The following RBM20 variants were observed in gnomAD, a reference collection of about 807,000 sequenced individuals.
The protein encoded by RBM20 is RNA-binding protein 20.
A neutral mutation model predicts 110.1 loss-of-function variants in RBM20; 51 were observed. That is an observed-to-expected ratio of 0.46 (90% CI 0.37 to 0.59). RBM20 has a LOEUF of 0.59. Among genes scored for constraint, RBM20 ranks in the 20% least tolerant of loss-of-function variants. The pLI is 0.00. For synonymous variants in RBM20, 589 were observed against 618.2 expected, an observed-to-expected ratio of 0.95 and a Z score of 0.70; for missense variants, 1,512 against 1,574.9, an observed-to-expected ratio of 0.96 and a Z score of 0.68.
intron 1 of RBM20, among the ~76,000 whole-genome samples, chr10:110,712,311 C>T (rs1433418362): frequency 6.6e-6 from 1 of 152,180 alleles, no homozygotes; most frequent in East Asian, 1.9e-4. Context: ...TTGTGTATAG[C>T]AGTAGCAATA....
chr10:110,759,591 T>G (rs1284507803), intron 1 of RBM20, among the ~76,000 whole-genome samples: 2 of 152,192 alleles, frequency 1.3e-5, no homozygotes, highest in Non-Finnish European at 1.5e-5. Context: ...AAGCAGCCAC[T>G]GGCTAGTCCC....
In RBM20 at chr10:110,783,370, G is replaced by A. The variant is rs1431456617; in HGVS notation, c.1280G>A (p.Trp427Ter). The A allele has an allele frequency of 6.4e-7, 1 of 1,550,936 alleles. No individual in the cohort carries two copies. Among genetic ancestry groups the A allele is most frequent in the East Asian group, 2.4e-5 (1 of 40,914 alleles). Residue 427 changes from tryptophan (W) to a stop codon, truncating the protein, a stop_gained, in exon 3 of 14, where the codon TGG (tryptophan) becomes TAG (stop). Transcript: ENST00000369519. LOFTEE classifies it high-confidence loss of function. ...CDKKVFDLKD[W>*]ELHVKGKLHA... is the part of the protein sequence containing the mutation. ...TTTTCTTTCCTTCTGACCTAGGACTGGGAGCTGCATGTGAAAGGGAAGCTG... is the reference window on the plus strand; with the variant it reads ...TTTTCTTTCCTTCTGACCTAGGACTAGGAGCTGCATGTGAAAGGGAAGCTG...
intron 1 of RBM20, among the ~76,000 whole-genome samples, chr10:110,645,676 G>T (rs1223629164): frequency 6.6e-6 from 1 of 152,196 alleles, no homozygotes; most frequent in East Asian, 1.9e-4. Flanking sequence ...GTAAATAGCA[G>T]TTAAGTATTT....
At chr10:110,816,538 C>A (rs997845144) in intron 9 of RBM20, among the ~76,000 whole-genome samples, 3 of 152,140 alleles carry the variant, frequency 2.0e-5, no homozygotes. Context: ...ACACCTCAAC[C>A]CCCTCCTCTC....
At chr10:110,822,024 A>C in intron 11 of RBM20, 89 bp downstream of exon 11, 1 of 1,306,296 alleles carries the variant, frequency 7.7e-7, no homozygotes, top group South Asian at 1.3e-5. Context: ...GCTGGAATGA[A>C]CATAAGTAAG....
chr10:110,732,637 C>A (rs899201223), intron 1 of RBM20, among the ~76,000 whole-genome samples: 1 of 152,146 alleles, frequency 6.6e-6, no homozygotes, highest in African/African-American at 2.4e-5. Context: ...TGTGAGTCAC[C>A]GCCACATAAA....
At chr10:110,785,814 A>C (rs1226728619) in intron 5 of RBM20, among the ~76,000 whole-genome samples, 1 of 152,112 alleles carries the variant, frequency 6.6e-6, no homozygotes, top group Non-Finnish European at 1.5e-5. Flanking sequence ...TAGAAAAAAA[A>C]AAGTTGGAGC....
chr10:110,809,677 A>G (rs531293965), intron 7 of RBM20, among the ~76,000 whole-genome samples: 2 of 152,220 alleles, frequency 1.3e-5, no homozygotes, highest in Non-Finnish European at 2.9e-5. Context: ...CTCCCAGCTT[A>G]TGCCACCCTC....
At chr10:110,710,875 A>G (rs2134911748) in intron 1 of RBM20, among the ~76,000 whole-genome samples, 1 of 152,296 alleles carries the variant, frequency 6.6e-6, no homozygotes, top group Middle Eastern at 3.4e-3. Flanking sequence ...AGGTGACGTG[A>G]AGGCCACAGT....
chr10:110,827,099 T>C (rs2135131369), intron 12 of RBM20, among the ~76,000 whole-genome samples: 1 of 152,272 alleles, frequency 6.6e-6, no homozygotes, highest in African/African-American at 2.4e-5. Context: ...GGTTCTGCAT[T>C]TGACAGGTGA....
rs917054738 is a variant in RBM20 at position 110,780,722 on chromosome 10, G to C, written c.192-79G>C. The C allele has an allele frequency of 3.5e-5, 50 of 1,427,862 alleles. No individual in the cohort carries two copies. In the African/African-American group the frequency reaches 4.8e-4, roughly 14 times the overall value. 88.4% of individuals were successfully genotyped at this position (1,427,862 alleles called of 1,614,324 possible). On this transcript the variant is annotated intron_variant, in intron 1 of 13. Transcript: ENST00000369519. ...AAGGTCTTGTTTATGTGGGAGGGGG[G>C]ACCACAGATAACAAAGAACAGCCCC...
At position 110,644,390 on chromosome 10, in the gene RBM20, C is replaced by A; in HGVS notation, c.-65C>A. 8 of 1,315,136 alleles carry A rather than the reference C, an allele frequency of 6.1e-6. No homozygotes were observed. The highest frequency in any genetic ancestry group is 7.9e-6 in the Non-Finnish European group (8 of 1,017,186). The allele number at this position is 1,315,136 out of a possible 1,614,324, so 81.5% of individuals were successfully genotyped here. ...CACGGGGACCCCGGCCAGTGAGCGC[C>A]CGTGGCCCGGGACCGCCCCTCCCTT... On this transcript the variant is annotated 5_prime_UTR_variant, in exon 1 of 14. Transcript: ENST00000369519. This position sits in a 1 kb window ranked among gnomAD's most constrained non-coding sequence, Gnocchi z 4.3.
rs541111765 is a variant in RBM20, at chr10:110,768,071, A to T, written c.192-12730A>T. 4.6e-5 allele frequency among the ~76,000 whole-genome samples: 7 copies of T among 152,366 alleles called. No homozygotes were observed. In the South Asian group the frequency reaches 1.2e-3, roughly 27 times the overall value. On this transcript the variant is annotated intron_variant, in intron 1 of 13. Coordinates refer to ENST00000369519, the MANE Select transcript of RBM20 (RefSeq NM_001134363.3). ...AGCGAAACCCCGTCTCCACCAAAAA[A>T]ATACGAAAACCAGTCAGGCGTGGCG...
At position 110,813,251 on chromosome 10, in the gene RBM20, G is replaced by C. The variant is rs75114468; in HGVS notation, c.2550+304G>C. ...GGCAGACCCAGAATTATACCAAGGA[G>C]ATCTGGCCCCAAATCCCATGGCACC... is the stretch of plus-strand genomic sequence containing the variant. On this transcript the variant is annotated intron_variant, in intron 9 of 13. Transcript: ENST00000369519. 3.6e-3 allele frequency among the ~76,000 whole-genome samples: 547 copies of C among 152,294 alleles called. 3 individuals are homozygous for C. The highest frequency in any genetic ancestry group is 0.012 in the African/African-American group (519 of 41,568).
chr10:110,805,927 A>G (rs529403458), intron 7 of RBM20, among the ~76,000 whole-genome samples: 4 of 152,270 alleles, frequency 2.6e-5, no homozygotes, highest in Admixed American at 2.6e-4. Context: ...GGGGTGGGGA[A>G]GGAGGGTGGT....
chr10:110,765,236 G>A (rs147995038), intron 1 of RBM20, among the ~76,000 whole-genome samples: 4 of 152,180 alleles, frequency 2.6e-5, no homozygotes, highest in African/African-American at 9.6e-5. Context: ...TAAATGATGG[G>A]CATCTCTTAA....
chr10:110,713,439 C>T (rs117548634), intron 1 of RBM20, among the ~76,000 whole-genome samples: 8 of 152,212 alleles, frequency 5.3e-5, no homozygotes, highest in East Asian at 1.9e-4. Flanking sequence ...AGGTGCAATA[C>T]GATTATAACC....
chr10:110,822,858 C>T (rs765160915), intron 11 of RBM20, among the ~76,000 whole-genome samples: 18 of 152,038 alleles, frequency 1.2e-4, no homozygotes, highest in Non-Finnish European at 2.1e-4. Context: ...ATGGAAACCC[C>T]GCCGTGAAAT....
chr10:110,782,852 T>C (rs1844371675), intron 2 of RBM20, among the ~76,000 whole-genome samples: 1 of 152,202 alleles, frequency 6.6e-6, no homozygotes, highest in South Asian at 2.1e-4. Context: ...TCCAAGTGCA[T>C]CCCTGTGACC....
Sources: allele counts gnomAD v4.1 joint callset (sites outside exome capture counted in the v4.1 genomes callset), GRCh38; gene constraint gnomAD v4.1.1; non-coding constraint Gnocchi (gnomAD v3.1); transcripts MANE v1.5; gene names NCBI Gene and HGNC (gene_info 2026-07-23, HGNC 2026-07-21).